Variants in NAV3 observed in about 807,000 individuals in gnomAD.
NAV3 encodes the protein pore membrane and/or filament interacting like protein 1.
In NAV3, 87 loss-of-function variants were observed where a neutral mutation model predicts 244.7. The observed-to-expected ratio is 0.36, with a 90% CI of 0.30 to 0.42. NAV3 has a LOEUF of 0.42. Ranked by LOEUF, NAV3 falls within the 20% of genes least tolerant of loss-of-function variation. NAV3 has a pLI of 1.00. For synonymous variants in NAV3, 1,126 were observed against 1,042.2 expected (o/e 1.08, Z -1.55); for missense variants, 2,663 against 2,893.3 (o/e 0.92, Z 1.83).
At chr12:77,851,260 T>C (rs1877477425) in intron 1 of NAV3, among the ~76,000 whole-genome samples, 1 of 152,170 alleles carries the variant, frequency 6.6e-6, no homozygotes, top group Non-Finnish European at 1.5e-5. Flanking sequence ...AGCTTCTTTC[T>C]CAGGAATTCA....
In NAV3 at chr12:77,735,008, T is replaced by C. The variant is rs1173185576; in HGVS notation, c.72+162742T>C. ...AAGATGAAGTTGAATCAATTTTCTC[T>C]CTAAAAAAAGCTAATAATATGCGAA... On this transcript the variant is annotated intron_variant, in intron 2 of 8. Transcript: ENST00000550042. Among the ~76,000 whole-genome samples, 5 of 152,104 alleles carry C rather than the reference T, an allele frequency of 3.3e-5. No homozygotes were observed. The East Asian group carries it at 9.6e-4, about 29-fold the overall frequency.
chr12:78,149,010 C>A, intron 22 of NAV3, 91 bp downstream of exon 22: 2 of 1,055,794 alleles, frequency 1.9e-6, no homozygotes, highest in Non-Finnish European at 2.8e-6. Flanking sequence ...ATTTTCAGTG[C>A]CTGATACAGA....
At chr12:77,790,446 T>G (rs190381629) in intron 2 of NAV3, among the ~76,000 whole-genome samples, 1 of 152,306 alleles carries the variant, frequency 6.6e-6, no homozygotes, top group African/African-American at 2.4e-5. Context: ...TGAGTAATTT[T>G]CATGATCTTG....
intron 2 of NAV3, among the ~76,000 whole-genome samples, chr12:77,755,352 CTT>C (rs1434094189): frequency 1.3e-5 from 2 of 152,108 alleles, no homozygotes; most frequent in African/African-American, 4.8e-5. Context: ...ATTTTGACCT[CTT>C]TGCTCATTCA....
chr12:77,942,738 A>G (rs1304918790), intron 3 of NAV3, among the ~76,000 whole-genome samples: 6 of 152,224 alleles, frequency 3.9e-5, no homozygotes, highest in South Asian at 2.1e-4. Flanking sequence ...GAATGTGACA[A>G]TGAGATATGT....
Position 78,110,644 on chromosome 12 carries a change from A to C in NAV3, c.2637-6128A>C, listed in dbSNP as rs528010331. On this transcript the variant is annotated intron_variant, in intron 12 of 39. Transcript: ENST00000397909. ...AAAACAGCATGGTATTTTTAGACAA[A>C]TGGTATGGAATAGAAAGCTCAGAAA... Among the ~76,000 whole-genome samples, 4 of 152,154 alleles carry C rather than the reference A, an allele frequency of 2.6e-5. No homozygotes were observed. The East Asian group carries it at 5.8e-4, about 22-fold the overall frequency.
intron 23 of NAV3, among the ~76,000 whole-genome samples, chr12:78,161,564 G>T (rs1360031181): frequency 2.6e-5 from 4 of 151,978 alleles, no homozygotes; most frequent in African/African-American, 9.7e-5. Context: ...TATGATTAAT[G>T]CCTGAATATT....
chr12:78,142,044 AAT>A (rs1198162400), intron 20 of NAV3, among the ~76,000 whole-genome samples: 1 of 152,150 alleles, frequency 6.6e-6, no homozygotes, highest in Admixed American at 6.5e-5. Context: ...TTGGTAGCAC[AAT>A]AGAGTGACTA....
At chr12:77,902,374 T>C (rs963480227) in intron 1 of NAV3, among the ~76,000 whole-genome samples, 12 of 152,154 alleles carry the variant, frequency 7.9e-5, no homozygotes, top group Non-Finnish European at 1.6e-4. Context: ...CTATGAAAAA[T>C]ACAGTAAAGA....
chr12:77,933,013 C>T (rs1336235514), intron 1 of NAV3, among the ~76,000 whole-genome samples: 2 of 152,140 alleles, frequency 1.3e-5, no homozygotes, highest in Admixed American at 1.3e-4. Context: ...TGTCATTTCT[C>T]AATCATCATT....
chr12:78,053,903 C>T (rs184594937), intron 11 of NAV3, among the ~76,000 whole-genome samples: 30 of 152,182 alleles, frequency 2.0e-4, no homozygotes, highest in Middle Eastern at 3.4e-3. Flanking sequence ...GGCAACTTCA[C>T]GAATATAGAA....
intron 12 of NAV3, among the ~76,000 whole-genome samples, chr12:78,060,448 T>TGTGTGGGTGTGGGTGTGGGTGTGG (rs11269547): frequency 6.6e-6 from 1 of 151,348 alleles, no homozygotes; most frequent in African/African-American, 2.4e-5. Context: ...TATACTCTTG[T>TGTGTGGGTGTGGGTGTGGGTGTGG]GTGTGGGTGT....
At chr12:77,853,662 G>A (rs1877908353) in intron 1 of NAV3, among the ~76,000 whole-genome samples, 1 of 152,008 alleles carries the variant, frequency 6.6e-6, no homozygotes, top group Non-Finnish European at 1.5e-5. Context: ...ACAGAATAGA[G>A]ATAATCTTAT....
At chr12:77,823,487 T>A (rs1872831264) in intron 2 of NAV3, among the ~76,000 whole-genome samples, 1 of 152,242 alleles carries the variant, frequency 6.6e-6, no homozygotes, top group Non-Finnish European at 1.5e-5. Context: ...TGGGAATAGT[T>A]GACGTTTTCC....
intron 1 of NAV3, among the ~76,000 whole-genome samples, chr12:77,909,180 T>C (rs1886318914): frequency 6.6e-6 from 1 of 152,072 alleles, no homozygotes; most frequent in Admixed American, 6.6e-5. Context: ...TTATTGGGTA[T>C]AGGATTTTAT....
chr12:77,632,845 A>T (rs1316680683), intron 2 of NAV3, among the ~76,000 whole-genome samples: 1 of 152,188 alleles, frequency 6.6e-6, no homozygotes, highest in Non-Finnish European at 1.5e-5. Flanking sequence ...AGATAATTAT[A>T]TAGTGGATGT....
At chr12:77,780,659 G>C (rs1413035562) in intron 2 of NAV3, among the ~76,000 whole-genome samples, 2 of 152,174 alleles carry the variant, frequency 1.3e-5, no homozygotes, top group Non-Finnish European at 2.9e-5. Flanking sequence ...AACAGGGACT[G>C]TGATAGGGGC....
At chr12:77,812,398 T>G (rs1274701050) in intron 2 of NAV3, among the ~76,000 whole-genome samples, 1 of 152,104 alleles carries the variant, frequency 6.6e-6, no homozygotes. Context: ...GGAATTTCAT[T>G]TCTTTCTTTT....
intron 2 of NAV3, among the ~76,000 whole-genome samples, chr12:77,678,447 T>C (rs1874304606): frequency 6.6e-6 from 1 of 152,226 alleles, no homozygotes; most frequent in African/African-American, 2.4e-5. Flanking sequence ...AAATAGAATG[T>C]ATTAAGCATA....
Sources: allele counts gnomAD v4.1 joint callset (sites outside exome capture counted in the v4.1 genomes callset), GRCh38; gene constraint gnomAD v4.1.1; transcripts MANE v1.5; gene names NCBI Gene and HGNC (gene_info 2026-07-23, HGNC 2026-07-21).